Variants in PROK2 observed in about 807,000 individuals in gnomAD.
PROK2 encodes the protein prokineticin 2.
In PROK2, 8 loss-of-function variants were observed where a neutral mutation model predicts 14.2. The ratio of observed to expected loss-of-function variants is 0.56; its 90% confidence interval spans 0.33 to 1.02. PROK2 has a LOEUF of 1.02. Ranked by LOEUF, PROK2 falls within the 50% of genes least tolerant of loss-of-function variation. The pLI is 0.03. For synonymous variants in PROK2, 59 were observed against 60.7 expected (o/e 0.97, Z 0.13); for missense variants, 154 against 160.4 (o/e 0.96, Z 0.22).
chr3:71,774,958 C>T (rs1057397394), intron 2 of PROK2, among the ~76,000 whole-genome samples: 9 of 152,148 alleles, frequency 5.9e-5, no homozygotes, highest in Non-Finnish European at 1.2e-4. Context: ...CCACTAGGGA[C>T]GATTGTGTCC....
intron 3 of PROK2, among the ~76,000 whole-genome samples, chr3:71,773,938 C>A (rs1252253099): frequency 6.6e-6 from 1 of 152,206 alleles, no homozygotes; most frequent in Non-Finnish European, 1.5e-5. Context: ...AGCAATAGCA[C>A]CTTCCTGAGA....
intron 2 of PROK2, among the ~76,000 whole-genome samples, chr3:71,777,005 T>C (rs951106615): frequency 6.6e-6 from 1 of 152,164 alleles, no homozygotes; most frequent in African/African-American, 2.4e-5. Context: ...TAAAGAGAAA[T>C]TAGCACTTAT....
At position 71,776,363 on chromosome 3, in the gene PROK2, C is replaced by CTTTTTTTTTTTTTTTTTTTTTTTTT. The variant is rs2050118816; in HGVS notation, c.223-1857_223-1856insAAAAAAAAAAAAAAAAAAAAAAAAA. On this transcript the variant is annotated intron_variant, in intron 2 of 3. Coordinates refer to ENST00000295619, the MANE Select transcript of PROK2 (RefSeq NM_001126128.2). ...CTTTTCTTTTTTTCTTTTCGCTTTTCATTTTTTTTTTTTTTTTTTTTTTTT... is the reference window on the plus strand; with the variant it reads ...CTTTTCTTTTTTTCTTTTCGCTTTTCTTTTTTTTTTTTTTTTTTTTTTTTTATTTTTTTTTTTTTTTTTTTTTTTT... Among the ~76,000 whole-genome samples, 14 of 92,070 alleles carry CTTTTTTTTTTTTTTTTTTTTTTTTT rather than the reference C, an allele frequency of 1.5e-4. 3 individuals are homozygous for CTTTTTTTTTTTTTTTTTTTTTTTTT. Among genetic ancestry groups the CTTTTTTTTTTTTTTTTTTTTTTTTT allele is most frequent in the African/African-American group, 1.3e-4 (3 of 22,464 alleles). 60.4% of individuals were successfully genotyped at this position (92,070 alleles called of 152,430 possible).
At chr3:71,772,995 T>C (rs1268972855) in intron 3 of PROK2, among the ~76,000 whole-genome samples, 167 bp from the exon 4 acceptor site, 1 of 152,230 alleles carries the variant, frequency 6.6e-6, no homozygotes, top group Non-Finnish European at 1.5e-5. Context: ...ATTTACTGTT[T>C]TTGAGACAGA....
At chr3:71,781,708 T>C (rs2050161799) in intron 1 of PROK2, 116 bp from the exon 2 acceptor site, 1 of 1,105,940 alleles carries the variant, frequency 9.0e-7, no homozygotes, top group African/African-American at 1.6e-5. Flanking sequence ...ACTTTAATAA[T>C]CAGGTATATT....
chr3:71,784,999 C>T lies in PROK2; in HGVS notation c.54G>A (p.Leu18=), dbSNP rs1019603710. The change falls in exon 1 of 4, where the codon CTG becomes CTA. Residue 18 remains leucine, a synonymous_variant. Coordinates refer to ENST00000295619, the MANE Select transcript of PROK2 (RefSeq NM_001126128.2). ...CGTCCCCAGCGCGGGGCGTGAGCAGCAGCGGCGGCAGCAGCAAGAGGAGCA... is the reference window on the plus strand; with the variant it reads ...CGTCCCCAGCGCGGGGCGTGAGCAGTAGCGGCGGCAGCAGCAAGAGGAGCA... ...PLLLLLLLPP[L]LLTPRAGDAA... is the part of the protein sequence containing the mutation. 1.7e-5 allele frequency: 21 copies of T among 1,248,446 alleles called. No individual in the cohort carries two copies. In the East Asian group the frequency reaches 6.6e-4, roughly 39 times the overall value. The allele number at this position is 1,248,446 out of a possible 1,614,324, so 77.3% of individuals were successfully genotyped here.
rs115266413 is a variant in PROK2, at chr3:71,774,207, C to G, written c.285+238G>C. ...AGGCCACCCCACATCAATGATCTGTCCTTATGAGAAAATCTGAAATGCATC... is the reference window on the plus strand; with the variant it reads ...AGGCCACCCCACATCAATGATCTGTGCTTATGAGAAAATCTGAAATGCATC... On this transcript the variant is annotated intron_variant, in intron 3 of 3. Coordinates refer to ENST00000295619, the MANE Select transcript of PROK2 (RefSeq NM_001126128.2). Among the ~76,000 whole-genome samples the G allele has an allele frequency of 5.4e-3, 825 of 152,268 alleles. 10 individuals carry two copies. The highest frequency in any genetic ancestry group is 0.019 in the African/African-American group (795 of 41,544).
chr3:71,785,024 AG>A lies in PROK2; in HGVS notation c.28del (p.Leu10CysfsTer20). The A allele has an allele frequency of 8.0e-7, 1 of 1,245,298 alleles. No individual in the cohort carries two copies. Among genetic ancestry groups the A allele is most frequent in the Non-Finnish European group, 1.0e-6 (1 of 991,342 alleles). The allele number at this position is 1,245,298 out of a possible 1,614,324, so 77.1% of individuals were successfully genotyped here. A position where few individuals can be genotyped will look rare whatever the true frequency, so the allele number is the denominator to read the frequency against. ...CAGCGGCGGCAGCAGCAAGAGGAGC[AG>A]GAGTGGGGCGCAGCACAGGCTCCTC... MRSLCCAPL[L>X]LLLLLPPLLL... On this transcript the variant is annotated frameshift_variant, in exon 1 of 4. Coordinates refer to ENST00000295619, the MANE Select transcript of PROK2 (RefSeq NM_001126128.2). LOFTEE classifies it high-confidence loss of function.
chr3:71,774,510 G>A lies in PROK2; in HGVS notation c.223-3C>T, dbSNP rs765926056. ...TGCCTTCCATTTCCAAAATTGTTCTGGAAGGGCCAGGGAGACGATTGAGAT... is the reference window on the plus strand; with the variant it reads ...TGCCTTCCATTTCCAAAATTGTTCTAGAAGGGCCAGGGAGACGATTGAGAT... On this transcript the variant is annotated splice_region_variant and splice_polypyrimidine_tract_variant and intron_variant, in intron 2 of 3. Coordinates refer to ENST00000295619, the MANE Select transcript of PROK2 (RefSeq NM_001126128.2). The A allele has an allele frequency of 1.3e-6, 2 of 1,550,376 alleles. No individual in the cohort carries two copies. Among genetic ancestry groups the A allele is most frequent in the Non-Finnish European group, 8.7e-7 (1 of 1,146,408 alleles).
chr3:71,779,362 T>C (rs1267832744), intron 2 of PROK2, among the ~76,000 whole-genome samples: 1 of 152,254 alleles, frequency 6.6e-6, no homozygotes, highest in Non-Finnish European at 1.5e-5. Context: ...ACAGCCTGTG[T>C]TGCTGAACCC....
intron 2 of PROK2, among the ~76,000 whole-genome samples, chr3:71,778,475 A>G (rs2050137209): frequency 6.6e-6 from 1 of 152,200 alleles, no homozygotes; most frequent in African/African-American, 2.4e-5. Context: ...CTCGGTAGCT[A>G]TAAACTCCTA....
At chr3:71,776,840 C>T (rs2050124227) in intron 2 of PROK2, among the ~76,000 whole-genome samples, 1 of 152,220 alleles carries the variant, frequency 6.6e-6, no homozygotes, top group Admixed American at 6.5e-5. Flanking sequence ...ACTGGAACCA[C>T]TTAGTCCAAA....
In PROK2 at chr3:71,772,718, G is replaced by A; in HGVS notation, c.*6C>T. 6.2e-7 allele frequency: 1 copy of A among 1,611,382 alleles called. No individual in the cohort carries two copies. The highest frequency in any genetic ancestry group is 8.5e-7 in the Non-Finnish European group (1 of 1,177,480). Reference sequence around the variant, plus strand: ...CTATTCACATTTGGTTTCTACTCCAGAGCGATTACTTTTGGGCTAAACAAA... The same window carrying A: ...CTATTCACATTTGGTTTCTACTCCAAAGCGATTACTTTTGGGCTAAACAAA... On this transcript the variant is annotated 3_prime_UTR_variant, in exon 4 of 4. Transcript: ENST00000295619.
chr3:71,784,998 G>A lies in PROK2; in HGVS notation c.55C>T (p.Leu19=), dbSNP rs2050201801. 3.2e-6 allele frequency: 4 copies of A among 1,248,658 alleles called. No individual in the cohort carries two copies. The highest frequency in any genetic ancestry group is 4.0e-6 in the Non-Finnish European group (4 of 993,846). 77.3% of individuals were successfully genotyped at this position (1,248,658 alleles called of 1,614,324 possible). Residue 19 remains leucine (L), a synonymous_variant, in exon 1 of 4, where the codon CTG becomes TTG. Transcript: ENST00000295619. ...LLLLLLLPPL[L]LTPRAGDAAV... ...GCGTCCCCAGCGCGGGGCGTGAGCA[G>A]CAGCGGCGGCAGCAGCAAGAGGAGC... is the stretch of plus-strand genomic sequence containing the variant.
chr3:71,783,732 A>C (rs2050188364), intron 1 of PROK2, among the ~76,000 whole-genome samples: 1 of 152,208 alleles, frequency 6.6e-6, no homozygotes, highest in African/African-American at 2.4e-5. Flanking sequence ...TTCAATTCTC[A>C]TGTATTAGAA....
At chr3:71,773,073 G>A (rs946892165) in intron 3 of PROK2, among the ~76,000 whole-genome samples, 15 of 152,174 alleles carry the variant, frequency 9.9e-5, no homozygotes, top group African/African-American at 2.7e-4. Context: ...TCCACCTCCC[G>A]TGTTCAAGCG....
chr3:71,777,850 T>C (rs1407920623), intron 2 of PROK2, among the ~76,000 whole-genome samples: 1 of 115,458 alleles, frequency 8.7e-6, no homozygotes, highest in African/African-American at 3.6e-5. Flanking sequence ...TGTTTTGTCT[T>C]TTTTTTTTTT....
chr3:71,775,291 T>C lies in PROK2; in HGVS notation c.223-784A>G, dbSNP rs538201533. Among the ~76,000 whole-genome samples, 5 of 152,326 alleles carry C rather than the reference T, an allele frequency of 3.3e-5. No homozygotes were observed. The South Asian group carries it at 1.0e-3, about 32-fold the overall frequency. ...TTTCATTCACTCATTCAACAGATAC[T>C]GAGTGCTACCTACATACCAGGCCCT... On this transcript the variant is annotated intron_variant, in intron 2 of 3. Coordinates refer to ENST00000295619, the MANE Select transcript of PROK2 (RefSeq NM_001126128.2).
chr3:71,773,305 C>G (rs573164676), intron 3 of PROK2, among the ~76,000 whole-genome samples: 15 of 152,262 alleles, frequency 9.9e-5, no homozygotes, highest in African/African-American at 3.6e-4. Context: ...ATATGTTATC[C>G]TTTCCCATTC....
Sources: allele counts gnomAD v4.1 joint callset (sites outside exome capture counted in the v4.1 genomes callset), GRCh38; gene constraint gnomAD v4.1.1; transcripts MANE v1.5; gene names NCBI Gene and HGNC (gene_info 2026-07-23, HGNC 2026-07-21).